KCTD8: variants seen among roughly 807,000 people sequenced by gnomAD.
KCTD8 encodes BTB/POZ domain-containing protein KCTD8.
A neutral mutation model predicts 31.5 loss-of-function variants in KCTD8; 27 were observed. The observed-to-expected ratio is 0.86, with a 90% CI of 0.63 to 1.18. KCTD8 has a LOEUF of 1.18. Ranked by LOEUF, KCTD8 falls within the 50% of genes most tolerant of loss-of-function variation. The pLI, the probability that KCTD8 is intolerant of heterozygous loss-of-function variation, is 0.00. For missense variants in KCTD8, 658 were observed against 647.7 expected, an observed-to-expected ratio of 1.02 and a Z score of -0.17; for synonymous variants, 290 against 280.0, an observed-to-expected ratio of 1.04 and a Z score of -0.36.
intron 1 of KCTD8, among the ~76,000 whole-genome samples, chr4:44,191,426 C>T (rs1423907200): frequency 1.3e-5 from 2 of 152,104 alleles, no homozygotes; most frequent in Non-Finnish European, 2.9e-5. Flanking sequence ...GGTCTGACTG[C>T]CTATGGGGTC....
At chr4:44,257,334 G>T (rs577733964) in intron 1 of KCTD8, among the ~76,000 whole-genome samples, 4 of 152,042 alleles carry the variant, frequency 2.6e-5, no homozygotes, top group Admixed American at 2.6e-4. Flanking sequence ...AAATTAAAAT[G>T]ATTTAGAAAT....
chr4:44,279,426 G>T (rs1716837827), intron 1 of KCTD8, among the ~76,000 whole-genome samples: 1 of 151,986 alleles, frequency 6.6e-6, no homozygotes, highest in African/African-American at 2.4e-5. Flanking sequence ...CAGCCATGGT[G>T]CTTGGAGTCC....
At chr4:44,424,873 C>A (rs1284168537) in intron 1 of KCTD8, among the ~76,000 whole-genome samples, 1 of 152,010 alleles carries the variant, frequency 6.6e-6, no homozygotes, top group Non-Finnish European at 1.5e-5. Flanking sequence ...CCCTAACCCT[C>A]CCAAATTCAT....
chr4:44,299,854 A>G (rs1717555425), intron 1 of KCTD8, among the ~76,000 whole-genome samples: 1 of 146,264 alleles, frequency 6.8e-6, no homozygotes. Flanking sequence ...CTGGGTTCAC[A>G]TCTTTCTCCT....
chr4:44,191,878 G>C (rs1393334630), intron 1 of KCTD8, among the ~76,000 whole-genome samples: 2 of 152,078 alleles, frequency 1.3e-5, no homozygotes, highest in Admixed American at 1.3e-4. Context: ...TGGGATCTTT[G>C]TTCTCCCTTT....
At chr4:44,221,076 T>C (rs1464799555) in intron 1 of KCTD8, among the ~76,000 whole-genome samples, 5 of 152,224 alleles carry the variant, frequency 3.3e-5, no homozygotes, top group Admixed American at 6.5e-5. Context: ...GACCCATGGT[T>C]ATCCTTGGAA....
At chr4:44,235,167 T>A (rs1405637886) in intron 1 of KCTD8, among the ~76,000 whole-genome samples, 1 of 150,144 alleles carries the variant, frequency 6.7e-6, no homozygotes, top group African/African-American at 2.5e-5. Context: ...AGCACTTATA[T>A]TTCAGACAGT....
At chr4:44,385,188 A>G (rs1275761574) in intron 1 of KCTD8, among the ~76,000 whole-genome samples, 4 of 151,670 alleles carry the variant, frequency 2.6e-5, no homozygotes, top group Non-Finnish European at 4.4e-5. Context: ...CAAAACCCCA[A>G]TGACATTTTA....
chr4:44,412,093 C>G (rs1171208754), intron 1 of KCTD8, among the ~76,000 whole-genome samples: 1 of 152,088 alleles, frequency 6.6e-6, no homozygotes, highest in Non-Finnish European at 1.5e-5. Flanking sequence ...TATGTAATAA[C>G]TGGGCAGGGT....
chr4:44,246,731 C>T (rs182862828), intron 1 of KCTD8, among the ~76,000 whole-genome samples: 8 of 152,072 alleles, frequency 5.3e-5, no homozygotes, highest in East Asian at 1.9e-4. Flanking sequence ...TCTACCTTCA[C>T]GCCTTACCTG....
chr4:44,215,234 T>C (rs536302726), intron 1 of KCTD8, among the ~76,000 whole-genome samples: 1 of 152,232 alleles, frequency 6.6e-6, no homozygotes, highest in South Asian at 2.1e-4. Context: ...CTCTCTCTGT[T>C]GCACTTTTCC....
rs557510495 is a variant in KCTD8, at chr4:44,267,548, G to C, written c.962-92298C>G. Among the ~76,000 whole-genome samples the C allele has an allele frequency of 2.0e-5, 3 of 151,770 alleles. No individual in the cohort carries two copies. The East Asian group carries it at 5.8e-4, about 29-fold the overall frequency. ...AAGGCAAGAAATGACTAAAATGAGA[G>C]CAGAACTGAAGGAAATAGAGACAAA... On this transcript the variant is annotated intron_variant, in intron 1 of 1. Coordinates refer to ENST00000360029, the MANE Select transcript of KCTD8 (RefSeq NM_198353.3).
intron 1 of KCTD8, among the ~76,000 whole-genome samples, chr4:44,179,336 A>T (rs977855703): frequency 2.0e-5 from 3 of 151,802 alleles, no homozygotes; most frequent in Non-Finnish European, 2.9e-5. Flanking sequence ...AATGCTTGGG[A>T]TATTTTAGAA....
intron 1 of KCTD8, among the ~76,000 whole-genome samples, chr4:44,224,087 A>C (rs1371980140): frequency 6.6e-6 from 1 of 152,220 alleles, no homozygotes; most frequent in Admixed American, 6.5e-5. Context: ...AAAAGCTGCT[A>C]TGATCCCTTC....
intron 1 of KCTD8, among the ~76,000 whole-genome samples, chr4:44,316,289 C>T (rs1560424264): frequency 6.6e-6 from 1 of 151,756 alleles, no homozygotes; most frequent in African/African-American, 2.4e-5. Context: ...AACATTTTTT[C>T]CAATAGATTC....
At chr4:44,308,672 T>C (rs1051578072) in intron 1 of KCTD8, among the ~76,000 whole-genome samples, 4 of 152,082 alleles carry the variant, frequency 2.6e-5, no homozygotes, top group Non-Finnish European at 5.9e-5. Context: ...TTATTTAAGG[T>C]TTATGGCTTC....
At chr4:44,244,878 C>G (rs1046491827) in intron 1 of KCTD8, among the ~76,000 whole-genome samples, 1 of 151,382 alleles carries the variant, frequency 6.6e-6, no homozygotes, top group Non-Finnish European at 1.5e-5. Flanking sequence ...TTTGAAGGCT[C>G]CCATGATTAA....
intron 1 of KCTD8, among the ~76,000 whole-genome samples, chr4:44,421,656 T>A (rs1022846132): frequency 5.9e-5 from 9 of 152,124 alleles, no homozygotes; most frequent in Admixed American, 5.9e-4. Flanking sequence ...GAGCCCTTAT[T>A]CATACAGATT....
At chr4:44,305,961 A>C (rs1480708338) in intron 1 of KCTD8, among the ~76,000 whole-genome samples, 1 of 151,914 alleles carries the variant, frequency 6.6e-6, no homozygotes, top group East Asian at 1.9e-4. Context: ...ATTTCCAAAT[A>C]AGTCATTTAC....
Sources: allele counts gnomAD v4.1 joint callset (sites outside exome capture counted in the v4.1 genomes callset), GRCh38; gene constraint gnomAD v4.1.1; transcripts MANE v1.5; gene names NCBI Gene and HGNC (gene_info 2026-07-23, HGNC 2026-07-21).